COL11A1: variants seen among roughly 807,000 people sequenced by gnomAD.
The protein encoded by COL11A1 is collagen type XI alpha 1 chain.
In COL11A1, 74 loss-of-function variants were observed where a neutral mutation model predicts 265.2. The observed-to-expected ratio is 0.28, with a 90% CI of 0.23 to 0.34. The LOEUF (loss-of-function observed/expected upper bound fraction) is 0.34. Among genes scored for constraint, COL11A1 ranks in the 10% least tolerant of loss-of-function variants. The pLI, the probability that COL11A1 is intolerant of heterozygous loss-of-function variation, is 1.00. For missense variants in COL11A1, 2,165 were observed against 2,263.6 expected (o/e 0.96, Z 0.88); for synonymous variants, 816 against 727.6 (o/e 1.12, Z -1.96).
intron 12 of COL11A1, among the ~76,000 whole-genome samples, chr1:103,015,195 T>C (rs1446834562): frequency 1.3e-5 from 2 of 152,046 alleles, no homozygotes; most frequent in African/African-American, 4.8e-5. Flanking sequence ...ACATTGAAAT[T>C]GATAAATAAA....
chr1:102,886,062 G>A, intron 63 of COL11A1, among the ~76,000 whole-genome samples: 1 of 152,090 alleles, frequency 6.6e-6, no homozygotes, highest in East Asian at 1.9e-4. Flanking sequence ...ATTTTCTACA[G>A]AGTAAAGGGG....
chr1:103,048,158 GA>G (rs1387581566), intron 4 of COL11A1, among the ~76,000 whole-genome samples: 1 of 152,114 alleles, frequency 6.6e-6, no homozygotes, highest in African/African-American at 2.4e-5. Context: ...CTATTGATTG[GA>G]ATAGTTTCAG....
At chr1:103,006,833 C>A (rs1035769892) in intron 15 of COL11A1, among the ~76,000 whole-genome samples, 49 of 152,042 alleles carry the variant, frequency 3.2e-4, no homozygotes, top group African/African-American at 1.2e-3. Flanking sequence ...CGGCCCTTAT[C>A]ACTTATTAAT....
chr1:102,911,537 G>T (rs577024754), intron 54 of COL11A1, among the ~76,000 whole-genome samples: 1 of 152,276 alleles, frequency 6.6e-6, no homozygotes, highest in East Asian at 1.9e-4. Flanking sequence ...GATAGCTGCT[G>T]TAAGAGGCAG....
chr1:102,988,825 C>A (rs745661818), intron 29 of COL11A1, among the ~76,000 whole-genome samples: 4 of 152,000 alleles, frequency 2.6e-5, no homozygotes, highest in African/African-American at 9.7e-5. Flanking sequence ...CTCTTTTGTA[C>A]GTGGCTTTTA....
chr1:102,945,453 G>T (rs369133231), intron 42 of COL11A1, among the ~76,000 whole-genome samples: 2 of 152,152 alleles, frequency 1.3e-5, no homozygotes, highest in East Asian at 3.9e-4. Context: ...GCACAAAATG[G>T]TCTCAAACAG....
intron 64 of COL11A1, among the ~76,000 whole-genome samples, chr1:102,882,047 G>C (rs1650316211): frequency 6.6e-6 from 1 of 152,028 alleles, no homozygotes; most frequent in Non-Finnish European, 1.5e-5. Flanking sequence ...GCATACTAAG[G>C]GTTATAGGGG....
rs760193643 is a variant in COL11A1, at chr1:102,936,328, G to A, written c.3439-1215C>T. Among the ~76,000 whole-genome samples, 7 of 151,330 alleles carry A rather than the reference G, an allele frequency of 4.6e-5. 1 individual carries two copies. Among genetic ancestry groups the A allele is most frequent in the Admixed American group, 2.6e-4 (4 of 15,194 alleles). On this transcript the variant is annotated intron_variant, in intron 44 of 66. Coordinates refer to ENST00000370096, the MANE Select transcript of COL11A1 (RefSeq NM_001854.4). Reference sequence around the variant, plus strand: ...TGGAACACTAACTTTTACATGGAACGCTATTTTTACTTGAAAGAGCGGCTG... The same window carrying A: ...TGGAACACTAACTTTTACATGGAACACTATTTTTACTTGAAAGAGCGGCTG...
At chr1:103,030,545 A>C (rs1300514984) in intron 5 of COL11A1, among the ~76,000 whole-genome samples, 1 of 150,064 alleles carries the variant, frequency 6.7e-6, no homozygotes, top group Non-Finnish European at 1.5e-5. Context: ...AAGTCTTAAA[A>C]ATTCAAAATC....
chr1:102,984,847 A>G (rs2101719274), intron 30 of COL11A1, among the ~76,000 whole-genome samples: 1 of 152,158 alleles, frequency 6.6e-6, no homozygotes, highest in East Asian at 1.9e-4. Context: ...CAAGCAGGGA[A>G]CTGAATATAC....
At chr1:102,974,648 T>C (rs1362449217) in intron 36 of COL11A1, among the ~76,000 whole-genome samples, 182 bp downstream of exon 36, 1 of 152,186 alleles carries the variant, frequency 6.6e-6, no homozygotes, top group Non-Finnish European at 1.5e-5. Context: ...GATGTTGAAA[T>C]TATATTCAGA....
chr1:102,923,048 AT>A (rs1275035408), intron 47 of COL11A1, among the ~76,000 whole-genome samples: 1 of 152,224 alleles, frequency 6.6e-6, no homozygotes, highest in Non-Finnish European at 1.5e-5. Flanking sequence ...AAGTCATAGC[AT>A]TCTAATTAAG....
chr1:102,959,064 G>A (rs755367120), intron 41 of COL11A1, among the ~76,000 whole-genome samples: 1 of 152,076 alleles, frequency 6.6e-6, no homozygotes, highest in Non-Finnish European at 1.5e-5. Context: ...CAAGTCATCG[G>A]CTCACTCCAA....
intron 4 of COL11A1, among the ~76,000 whole-genome samples, chr1:103,063,789 A>G (rs1670857824): frequency 6.6e-6 from 1 of 152,214 alleles, no homozygotes; most frequent in South Asian, 2.1e-4. Flanking sequence ...CAGCAGGTGC[A>G]TGTGTTTGCA....
At chr1:102,973,395 T>G (rs1662161751) in intron 36 of COL11A1, among the ~76,000 whole-genome samples, 1 of 152,002 alleles carries the variant, frequency 6.6e-6, no homozygotes, top group African/African-American at 2.4e-5. Flanking sequence ...GATAAAAAAA[T>G]GAGTCAAATG....
At chr1:103,026,667 A>T (rs993507612) in intron 5 of COL11A1, among the ~76,000 whole-genome samples, 1 of 152,164 alleles carries the variant, frequency 6.6e-6, no homozygotes, top group Non-Finnish European at 1.5e-5. Flanking sequence ...ATATTCATTA[A>T]TTTTGATTTG....
At chr1:102,903,819 C>G (rs1029229392) in intron 54 of COL11A1, among the ~76,000 whole-genome samples, 1 of 149,156 alleles carries the variant, frequency 6.7e-6, no homozygotes, top group Non-Finnish European at 1.5e-5. Context: ...ACAAAGTGAC[C>G]TCACATATGT....
intron 6 of COL11A1, 21 bp downstream of exon 6, chr1:103,026,195 C>G (rs754628795): frequency 6.6e-7 from 1 of 1,516,878 alleles, no homozygotes; most frequent in Admixed American, 1.7e-5. Flanking sequence ...ACCACATACA[C>G]AGGCACTGCT....
chr1:103,048,618 A>G (rs1669517934), intron 4 of COL11A1, among the ~76,000 whole-genome samples: 1 of 151,742 alleles, frequency 6.6e-6, no homozygotes, highest in African/African-American at 2.4e-5. Flanking sequence ...CTCTAATCTT[A>G]GTTATTTCTT....
Sources: allele counts gnomAD v4.1 joint callset (sites outside exome capture counted in the v4.1 genomes callset), GRCh38; gene constraint gnomAD v4.1.1; transcripts MANE v1.5; gene names NCBI Gene and HGNC (gene_info 2026-07-23, HGNC 2026-07-21).